SLC7A11: variants seen among roughly 807,000 people sequenced by gnomAD.
SLC7A11 encodes the protein solute carrier family 7 member 11, also known as cystine/glutamate transporter.
In SLC7A11, 35 loss-of-function variants were observed where a neutral mutation model predicts 54.5. The observed-to-expected ratio is 0.64, with a 90% CI of 0.49 to 0.85. SLC7A11 has a LOEUF of 0.85. Among genes scored for constraint, SLC7A11 ranks in the 40% least tolerant of loss-of-function variants. The pLI is 0.00. For missense variants in SLC7A11, 583 were observed against 618.1 expected (o/e 0.94, Z 0.60); for synonymous variants, 230 against 225.2 (o/e 1.02, Z -0.19).
intron 6 of SLC7A11, among the ~76,000 whole-genome samples, chr4:138,202,528 T>C (rs927878904): frequency 2.0e-5 from 3 of 152,132 alleles, no homozygotes; most frequent in Non-Finnish European, 2.9e-5. Context: ...TCCCTTTCTC[T>C]TGATTCATGT....
In SLC7A11 at chr4:138,219,378, T is replaced by C. The variant is rs1204628227; in HGVS notation, c.647-13A>G. 1 of 1,469,168 alleles carries C rather than the reference T, an allele frequency of 6.8e-7. No individual in the cohort carries two copies. Among genetic ancestry groups the C allele is most frequent in the Non-Finnish European group, 9.5e-7 (1 of 1,051,178 alleles). 91.0% of individuals were successfully genotyped at this position (1,469,168 alleles called of 1,614,324 possible). A position where few individuals can be genotyped will look rare whatever the true frequency, so the allele number is the denominator to read the frequency against. On this transcript the variant is annotated splice_polypyrimidine_tract_variant and intron_variant, in intron 4 of 11. Coordinates refer to ENST00000280612, the MANE Select transcript of SLC7A11 (RefSeq NM_014331.4). The stretch of plus-strand genomic sequence containing the variant: ...TTCTGCGTTTGACCTGTAATTAGAA[T>C]AGACTGATTTTAGGATTTTTCAAAG...
At chr4:138,191,698 G>T (rs1430207669) in intron 6 of SLC7A11, among the ~76,000 whole-genome samples, 1 of 152,058 alleles carries the variant, frequency 6.6e-6, no homozygotes. Flanking sequence ...ATAAATTCAT[G>T]ACTAAATAAA....
In SLC7A11 at chr4:138,167,692, A is replaced by T. The variant is rs1166030026; in HGVS notation, c.*4264T>A. 6.6e-6 allele frequency: 1 copy of T among 152,204 alleles called. No homozygotes were observed. The highest frequency in any genetic ancestry group is 1.5e-5 in the Non-Finnish European group (1 of 68,028). The allele number at this position is 152,204 out of a possible 1,614,324, so 9.4% of individuals were successfully genotyped here. A position where few individuals can be genotyped will look rare whatever the true frequency, so the allele number is the denominator to read the frequency against. On this transcript the variant is annotated 3_prime_UTR_variant, in exon 12 of 12. Transcript: ENST00000280612. Reference sequence around the variant, plus strand: ...CTATGAGCTTCTTCCCAGTTGTTATACAATGCCATATTTTAATTCCTGACT... The same window carrying T: ...CTATGAGCTTCTTCCCAGTTGTTATTCAATGCCATATTTTAATTCCTGACT...
chr4:138,226,123 A>C (rs1296394265), intron 3 of SLC7A11, among the ~76,000 whole-genome samples: 1 of 152,176 alleles, frequency 6.6e-6, no homozygotes, highest in African/African-American at 2.4e-5. Context: ...AGATATTATG[A>C]ATTGATCATC....
At chr4:138,189,403 A>G (rs1458238068) in intron 6 of SLC7A11, among the ~76,000 whole-genome samples, 7 of 152,128 alleles carry the variant, frequency 4.6e-5, no homozygotes, top group African/African-American at 1.7e-4. Context: ...AGAGAGGTTG[A>G]GTGACATAAC....
At chr4:138,214,276 T>G (rs1033213947) in intron 6 of SLC7A11, among the ~76,000 whole-genome samples, 2 of 152,028 alleles carry the variant, frequency 1.3e-5, no homozygotes, top group African/African-American at 4.8e-5. Flanking sequence ...TTAAGTTATA[T>G]GTATGTGTTT....
In SLC7A11 at chr4:138,179,236, C is replaced by T. The variant is rs1423684330; in HGVS notation, c.1425G>A (p.Arg475=). 6.2e-7 allele frequency: 1 copy of T among 1,610,108 alleles called. No individual in the cohort carries two copies. The highest frequency in any genetic ancestry group is 1.1e-5 in the South Asian group (1 of 90,934). Residue 475 remains arginine, a synonymous_variant, in exon 11 of 12, where the codon AGG becomes AGA. Transcript: ENST00000280612. ...YLFIIWDKKP[R]WFRIMSEKIT... ...TCTTACCCGACATTATTCTAAACCA[C>T]CTGGGTTTCTTGTCCCATATAATAA...
At chr4:138,198,965 A>T (rs1737206706) in intron 6 of SLC7A11, among the ~76,000 whole-genome samples, 1 of 152,150 alleles carries the variant, frequency 6.6e-6, no homozygotes, top group Non-Finnish European at 1.5e-5. Context: ...AAGTAGAAAG[A>T]GCTGGAGTTG....
At chr4:138,229,446 C>T (rs546076525) in intron 3 of SLC7A11, among the ~76,000 whole-genome samples, 11 of 152,262 alleles carry the variant, frequency 7.2e-5, no homozygotes, top group South Asian at 2.1e-4. Context: ...ATTATGGGTA[C>T]ACATTTCTTT....
intron 11 of SLC7A11, chr4:138,177,697 G>A (rs1240673714): frequency 1.3e-5 from 2 of 152,182 alleles, no homozygotes; most frequent in East Asian, 1.9e-4. Context: ...AGATGATCAT[G>A]TAGGGGAGAG....
Position 138,171,840 on chromosome 4 carries a change from T to G in SLC7A11, c.*116A>C. ...GCTAAAATATATGAATAAAAATAACTGACTCCTTTTGTTTATCACCAAAGT... is the reference window on the plus strand; with the variant it reads ...GCTAAAATATATGAATAAAAATAACGGACTCCTTTTGTTTATCACCAAAGT... On this transcript the variant is annotated 3_prime_UTR_variant, in exon 12 of 12. Transcript: ENST00000280612. 1.6e-6 allele frequency: 2 copies of G among 1,287,396 alleles called. No individual in the cohort carries two copies. Among genetic ancestry groups the G allele is most frequent in the Admixed American group, 3.2e-5 (1 of 31,098 alleles). 79.7% of individuals were successfully genotyped at this position (1,287,396 alleles called of 1,614,324 possible). A position where few individuals can be genotyped will look rare whatever the true frequency, so the allele number is the denominator to read the frequency against.
intron 6 of SLC7A11, among the ~76,000 whole-genome samples, chr4:138,214,242 C>G (rs569276748): frequency 6.6e-6 from 1 of 151,870 alleles, no homozygotes; most frequent in East Asian, 1.9e-4. Context: ...TTCAAGCTAT[C>G]CCGTGGGTAG....
At chr4:138,238,171 T>C (rs951810610) in intron 1 of SLC7A11, among the ~76,000 whole-genome samples, 2 of 152,162 alleles carry the variant, frequency 1.3e-5, no homozygotes, top group African/African-American at 4.8e-5. Flanking sequence ...TGGACAAATA[T>C]GCAACTCCCC....
At chr4:138,196,911 T>A (rs191881191) in intron 6 of SLC7A11, among the ~76,000 whole-genome samples, 1 of 152,270 alleles carries the variant, frequency 6.6e-6, no homozygotes, top group African/African-American at 2.4e-5. Flanking sequence ...ACGCCCACCT[T>A]GGCCTCCCAA....
chr4:138,221,899 C>T (rs1450609604), intron 4 of SLC7A11, among the ~76,000 whole-genome samples: 1 of 152,196 alleles, frequency 6.6e-6, no homozygotes, highest in Non-Finnish European at 1.5e-5. Flanking sequence ...AGAGATTCTG[C>T]ACTTTTCAAA....
intron 6 of SLC7A11, among the ~76,000 whole-genome samples, chr4:138,201,747 C>G (rs913880942): frequency 6.6e-6 from 1 of 152,006 alleles, no homozygotes; most frequent in African/African-American, 2.4e-5. Context: ...TGTTTAATAC[C>G]AATAAAAAGC....
At chr4:138,224,870 C>T (rs1025301594) in intron 3 of SLC7A11, among the ~76,000 whole-genome samples, 1 of 143,918 alleles carries the variant, frequency 6.9e-6, no homozygotes, top group Non-Finnish European at 1.5e-5. Flanking sequence ...AGAAATAGAT[C>T]TGGAAACATA....
At chr4:138,214,532 T>C in intron 6 of SLC7A11, 53 bp downstream of exon 6, 1 of 1,059,150 alleles carries the variant, frequency 9.4e-7, no homozygotes. Flanking sequence ...TTAAACTATG[T>C]AATCTTAAAT....
At chr4:138,219,442 T>C in intron 4 of SLC7A11, 77 bp from the exon 5 acceptor site, 1 of 809,746 alleles carries the variant, frequency 1.2e-6, no homozygotes, top group Admixed American at 2.0e-5. Context: ...AACATGGGGG[T>C]GCGGAGAAAC....
Sources: allele counts gnomAD v4.1 joint callset (sites outside exome capture counted in the v4.1 genomes callset), GRCh38; gene constraint gnomAD v4.1.1; transcripts MANE v1.5; gene names NCBI Gene and HGNC (gene_info 2026-07-23, HGNC 2026-07-21).